Variants in RAB30 observed in about 807,000 individuals in gnomAD.
RAB30 encodes the protein RAB30, member RAS oncogene family, also known as ras-related protein Rab-30.
A neutral mutation model predicts 25.1 loss-of-function variants in RAB30; 9 were observed. The observed-to-expected ratio is 0.36, with a 90% CI of 0.22 to 0.63. The LOEUF (loss-of-function observed/expected upper bound fraction) is 0.63, where lower values mean the gene tolerates loss of function less well. Ranked by LOEUF, RAB30 falls within the 20% of genes least tolerant of loss-of-function variation. The pLI is 0.69. For missense variants in RAB30, 140 were observed against 243.5 expected (o/e 0.58, Z 2.83); for synonymous variants, 77 against 86.4 (o/e 0.89, Z 0.60).
chr11:83,052,265 G>T (rs1858373438), intron 1 of RAB30, among the ~76,000 whole-genome samples: 1 of 152,214 alleles, frequency 6.6e-6, no homozygotes, highest in Non-Finnish European at 1.5e-5. Context: ...ATGAAGCTGG[G>T]ATTGTCATCA....
In RAB30 at chr11:82,980,341, C is replaced by T. The variant is rs904785176; in HGVS notation, c.*1824G>A. The T allele has an allele frequency of 2.0e-5, 3 of 152,178 alleles. No homozygotes were observed. Among genetic ancestry groups the T allele is most frequent in the African/African-American group, 7.2e-5 (3 of 41,444 alleles). 9.4% of individuals were successfully genotyped at this position (152,178 alleles called of 1,614,324 possible). Reference sequence around the variant, plus strand: ...AGGATCAGGAAAAACACAGTGAGGCCAACCAAAAGTATCAGCCCCTTAAAA... The same window carrying T: ...AGGATCAGGAAAAACACAGTGAGGCTAACCAAAAGTATCAGCCCCTTAAAA... On this transcript the variant is annotated 3_prime_UTR_variant, in exon 5 of 5. Transcript: ENST00000527633.
At chr11:83,046,625 C>A (rs1162635180) in intron 1 of RAB30, among the ~76,000 whole-genome samples, 1 of 152,078 alleles carries the variant, frequency 6.6e-6, no homozygotes, top group Non-Finnish European at 1.5e-5. Context: ...TCCTGAGTAG[C>A]TACAACTACA....
At chr11:83,049,100 G>T (rs971608114) in intron 1 of RAB30, among the ~76,000 whole-genome samples, 3 of 152,162 alleles carry the variant, frequency 2.0e-5, no homozygotes, top group Non-Finnish European at 2.9e-5. Context: ...AAAAGTCCTT[G>T]CAAACTATTT....
At chr11:83,031,024 C>T (rs1323571155) in intron 1 of RAB30, among the ~76,000 whole-genome samples, 1 of 152,194 alleles carries the variant, frequency 6.6e-6, no homozygotes, top group Non-Finnish European at 1.5e-5. Context: ...CGTAGCAGGA[C>T]ACTGGGAGTG....
intron 1 of RAB30, among the ~76,000 whole-genome samples, chr11:83,064,870 A>C (rs1858660112): frequency 6.6e-6 from 1 of 152,160 alleles, no homozygotes; most frequent in South Asian, 2.1e-4. Flanking sequence ...GATTATCCTG[A>C]AAATGTCTTT....
At chr11:83,044,125 T>C (rs535708742) in intron 1 of RAB30, among the ~76,000 whole-genome samples, 5 of 152,228 alleles carry the variant, frequency 3.3e-5, no homozygotes, top group Non-Finnish European at 7.3e-5. Context: ...GGTCTTTGAA[T>C]TATTTTTTGT....
chr11:83,027,203 T>C (rs184610735), intron 1 of RAB30, among the ~76,000 whole-genome samples: 5 of 152,234 alleles, frequency 3.3e-5, no homozygotes, highest in Admixed American at 2.0e-4. Context: ...TGAAAACTAG[T>C]GAACCTGAAT....
At chr11:82,998,983 TG>T (rs1205697549) in intron 1 of RAB30, among the ~76,000 whole-genome samples, 1 of 152,176 alleles carries the variant, frequency 6.6e-6, no homozygotes, top group Non-Finnish European at 1.5e-5. Context: ...AAATTCCCTA[TG>T]TGCAAAGATG....
At chr11:83,060,593 A>G (rs1858549992) in intron 1 of RAB30, among the ~76,000 whole-genome samples, 1 of 152,216 alleles carries the variant, frequency 6.6e-6, no homozygotes, top group Non-Finnish European at 1.5e-5. Context: ...ACAAGTGTTT[A>G]ACTTGAATCT....
intron 4 of RAB30, 106 bp from the exon 5 acceptor site, chr11:82,982,521 G>T: frequency 1.7e-6 from 2 of 1,206,494 alleles, no homozygotes; most frequent in Non-Finnish European, 2.3e-6. Flanking sequence ...ACAGATGGGC[G>T]AGTAAAACAA....
Position 82,982,365 on chromosome 11 carries a change from C to T in RAB30, c.412G>A (p.Glu138Lys). The T allele has an allele frequency of 6.2e-7, 1 of 1,614,122 alleles. No homozygotes were observed. Among genetic ancestry groups the T allele is most frequent in the Admixed American group, 1.7e-5 (1 of 60,032 alleles). ...ERREVSQQRA[E>K]EFSEAQDMYY... The stretch of plus-strand genomic sequence containing the variant: ...ATGTCCTGAGCTTCTGAGAATTCTT[C>T]AGCTCGCTGCTGGGAAACCTCTCTC... The change falls in exon 5 of 5, where the codon GAA becomes AAA. Residue 138 changes from glutamate to lysine, a missense_variant. By Grantham distance (56) the Glu-to-Lys change is moderately conservative. Transcript: ENST00000527633.
intron 1 of RAB30, among the ~76,000 whole-genome samples, chr11:83,053,844 C>T (rs2121518952): frequency 6.6e-6 from 1 of 152,306 alleles, no homozygotes; most frequent in Middle Eastern, 3.4e-3. Context: ...AATCCCAGCA[C>T]TTTGGGAGGC....
intron 1 of RAB30, among the ~76,000 whole-genome samples, chr11:83,045,002 A>G (rs1393711269): frequency 6.6e-6 from 1 of 152,168 alleles, no homozygotes; most frequent in Non-Finnish European, 1.5e-5. Flanking sequence ...ATTAATTCTC[A>G]AAAATGTTCA....
Position 82,975,405 on chromosome 11 carries a change from T to C in RAB30, c.*6760A>G, listed in dbSNP as rs1856527610. 6.6e-6 allele frequency: 1 copy of C among 152,218 alleles called. No homozygotes were observed. Among genetic ancestry groups the C allele is most frequent in the South Asian group, 2.1e-4 (1 of 4,834 alleles). 9.4% of individuals were successfully genotyped at this position (152,218 alleles called of 1,614,324 possible). ...TATTCAACCAGCTAGTGACAAATTA[T>C]CTTAACAAAGTAGATTATCTTTTGC... is the stretch of plus-strand genomic sequence containing the variant. On this transcript the variant is annotated 3_prime_UTR_variant, in exon 5 of 5. Coordinates refer to ENST00000527633, the MANE Select transcript of RAB30 (RefSeq NM_001286060.2).
At position 82,976,109 on chromosome 11, in the gene RAB30, C is replaced by T. The variant is rs1166873995; in HGVS notation, c.*6056G>A. The T allele has an allele frequency of 1.3e-5, 2 of 152,106 alleles. No individual in the cohort carries two copies. The highest frequency in any genetic ancestry group is 2.9e-5 in the Non-Finnish European group (2 of 68,024). 9.4% of individuals were successfully genotyped at this position (152,106 alleles called of 1,614,324 possible). On this transcript the variant is annotated 3_prime_UTR_variant, in exon 5 of 5. Transcript: ENST00000527633. ...AATGGAGGGTGACAGTAGTAATGCCCAAAGGCAAAAGGATGGATCAGACAA... is the reference window on the plus strand; with the variant it reads ...AATGGAGGGTGACAGTAGTAATGCCTAAAGGCAAAAGGATGGATCAGACAA...
intron 3 of RAB30, 72 bp from the exon 4 acceptor site, chr11:82,987,842 C>T: frequency 9.5e-7 from 1 of 1,050,426 alleles, no homozygotes; most frequent in Non-Finnish European, 1.3e-6. Context: ...AAAAGCTTTG[C>T]CTTGCTTTGG....
chr11:83,042,143 C>A (rs138067884), intron 1 of RAB30, among the ~76,000 whole-genome samples: 1 of 152,200 alleles, frequency 6.6e-6, no homozygotes, highest in East Asian at 1.9e-4. Flanking sequence ...GCAGGGAACA[C>A]GCCTTACCAT....
intron 1 of RAB30, among the ~76,000 whole-genome samples, chr11:83,037,981 C>G (rs899048760): frequency 3.9e-5 from 6 of 151,920 alleles, no homozygotes; most frequent in African/African-American, 1.5e-4. Context: ...GTCTCGTGGT[C>G]AGAGTGAAAT....
At chr11:83,006,241 A>C (rs1364518835) in intron 1 of RAB30, among the ~76,000 whole-genome samples, 1 of 152,212 alleles carries the variant, frequency 6.6e-6, no homozygotes, top group African/African-American at 2.4e-5. Flanking sequence ...TCACATTTAT[A>C]CTCACAAAGG....
Sources: gnomAD v4.1 joint callset for allele counts (sites outside exome capture counted in the v4.1 genomes callset) on GRCh38, gnomAD v4.1.1 for gene constraint, MANE v1.5 for transcripts, NCBI Gene and HGNC (gene_info 2026-07-23, HGNC 2026-07-21) for gene names.